OPHN1: variants seen among roughly 807,000 people sequenced by gnomAD.
OPHN1 encodes oligophrenin-1.
Under a neutral mutation model 60.7 loss-of-function variants are expected in OPHN1, and 11 were observed. That is an observed-to-expected ratio of 0.18 (90% CI 0.11 to 0.30). The LOEUF is 0.30. OPHN1 is among the 10% of genes least tolerant of loss of function. OPHN1 has a pLI of 1.00. For missense variants in OPHN1, 449 were observed against 611.0 expected, an observed-to-expected ratio of 0.73 and a Z score of 2.80; for synonymous variants, 226 against 222.6, an observed-to-expected ratio of 1.02 and a Z score of -0.14.
At chrX:68,264,727 G>C (rs138062047) in intron 5 of OPHN1, among the ~76,000 whole-genome samples, 2,283 of 112,406 alleles carry the variant, frequency 0.02, 69 homozygotes, top group African/African-American at 0.07. Flanking sequence ...AGCAGGGCGA[G>C]GCATTGCCTC....
At chrX:68,214,425 A>C (rs2077598830) in intron 6 of OPHN1, among the ~76,000 whole-genome samples, 1 of 112,334 alleles carries the variant, frequency 8.9e-6, no homozygotes, top group Admixed American at 9.5e-5. Context: ...AGTCTTATTT[A>C]ACAAGAAATG....
At chrX:68,149,054 T>A (rs911711404) in intron 15 of OPHN1, among the ~76,000 whole-genome samples, 1 of 111,485 alleles carries the variant, frequency 9.0e-6, no homozygotes, top group Non-Finnish European at 1.9e-5. Context: ...AAAGCCATAA[T>A]GTGGTCCTGC....
intron 2 of OPHN1, among the ~76,000 whole-genome samples, chrX:68,336,669 T>A (rs766463788): frequency 5.8e-5 from 5 of 86,137 alleles, no homozygotes; most frequent in East Asian, 6.1e-4. Context: ...TGTGTGTGTG[T>A]GAGAGTGTGT....
chrX:68,212,009 T>C (rs915419867), intron 8 of OPHN1, 99 bp downstream of exon 8: 2 of 569,283 alleles, frequency 3.5e-6, no homozygotes, highest in Non-Finnish European at 6.1e-6. Flanking sequence ...ACAAATTGGC[T>C]AGGATGCAGT....
chrX:68,067,239 G>GCAAAGTAGAAAGGGCATT (rs2076916228), intron 20 of OPHN1, among the ~76,000 whole-genome samples: 1 of 112,094 alleles, frequency 8.9e-6, no homozygotes, highest in Admixed American at 9.4e-5. Flanking sequence ...AAAAGGTGGA[G>GCAAAGTAGAAAGGGCATT]CAAAGTAGAA....
At chrX:68,221,377 C>T (rs7883991) in intron 6 of OPHN1, among the ~76,000 whole-genome samples, 1 of 14,908 alleles carries the variant, frequency 6.7e-5, no homozygotes, top group Non-Finnish European at 1.4e-4. Context: ...AGATTCAATG[C>T]CATCCCCATC....
chrX:68,262,609 C>A (rs767766203), intron 5 of OPHN1, among the ~76,000 whole-genome samples: 2 of 112,050 alleles, frequency 1.8e-5, no homozygotes, highest in East Asian at 5.6e-4. Flanking sequence ...CATGGAGAAA[C>A]CCCATCTCTA....
At chrX:68,172,814 TG>T (rs1325284506) in intron 15 of OPHN1, among the ~76,000 whole-genome samples, 1 of 111,340 alleles carries the variant, frequency 9.0e-6, no homozygotes, top group Non-Finnish European at 1.9e-5. Context: ...TACAATTTTA[TG>T]CTGTCTCGGT....
At position 68,240,681 on chromosome X, in the gene OPHN1, T is replaced by C. The variant is rs141635564; in HGVS notation, c.385-6093A>G. On this transcript the variant is annotated intron_variant, in intron 5 of 24. Coordinates refer to ENST00000355520, the MANE Select transcript of OPHN1 (RefSeq NM_002547.3). ...CCTTTCAATAACTAATTTTTGGCTTTGTTAATTACCTCTACCATTTTTTAT... is the reference window on the plus strand; with the variant it reads ...CCTTTCAATAACTAATTTTTGGCTTCGTTAATTACCTCTACCATTTTTTAT... Among the ~76,000 whole-genome samples the C allele has an allele frequency of 1.6e-3, 184 of 112,243 alleles. 4 individuals are homozygous for C. The East Asian group carries it at 0.043, about 26-fold the overall frequency.
At chrX:68,167,040 T>C (rs918556003) in intron 15 of OPHN1, among the ~76,000 whole-genome samples, 2 of 111,699 alleles carry the variant, frequency 1.8e-5, no homozygotes, top group Non-Finnish European at 3.8e-5. Flanking sequence ...TGGGATCACA[T>C]AAAGTTAAAA....
At chrX:68,182,730 G>T (rs1433045418) in intron 15 of OPHN1, among the ~76,000 whole-genome samples, 1 of 111,406 alleles carries the variant, frequency 9.0e-6, no homozygotes, top group Non-Finnish European at 1.9e-5. Flanking sequence ...GGCCAGCATG[G>T]TAAAACCCTG....
chrX:68,365,731 GT>G (rs1261680250), intron 2 of OPHN1, among the ~76,000 whole-genome samples: 2 of 110,864 alleles, frequency 1.8e-5, no homozygotes, highest in Non-Finnish European at 1.9e-5. Context: ...CCAACACTGA[GT>G]GGAAATCTAC....
intron 5 of OPHN1, among the ~76,000 whole-genome samples, chrX:68,241,908 C>CA (rs1363747836): frequency 9.1e-6 from 1 of 109,441 alleles, no homozygotes; most frequent in Admixed American, 9.9e-5. Context: ...GCAACAAGAG[C>CA]AAAACTCCAT....
chrX:68,217,058 T>A (rs1268273300), intron 6 of OPHN1, among the ~76,000 whole-genome samples: 1 of 110,922 alleles, frequency 9.0e-6, no homozygotes, highest in African/African-American at 3.3e-5. Context: ...TGGGCGGAGG[T>A]CAGTGGGTGC....
intron 5 of OPHN1, among the ~76,000 whole-genome samples, chrX:68,267,175 G>T (rs1353395097): frequency 1.8e-5 from 2 of 111,342 alleles, no homozygotes; most frequent in Non-Finnish European, 3.8e-5. Context: ...GCAGCAAGCA[G>T]ACCTAATAGA....
chrX:68,150,838 T>C (rs1023264805), intron 15 of OPHN1, among the ~76,000 whole-genome samples: 2 of 112,127 alleles, frequency 1.8e-5, no homozygotes, highest in African/African-American at 6.5e-5. Context: ...TAATAGAATT[T>C]TGTGATTAAA....
intron 2 of OPHN1, among the ~76,000 whole-genome samples, chrX:68,374,748 T>C (rs1378004633): frequency 8.9e-6 from 1 of 112,553 alleles, no homozygotes. Flanking sequence ...TATTTTGTTA[T>C]GTAAACAGAA....
chrX:68,343,970 C>T (rs2078367250), intron 2 of OPHN1, among the ~76,000 whole-genome samples: 1 of 111,909 alleles, frequency 8.9e-6, no homozygotes, highest in African/African-American at 3.2e-5. Context: ...TTCCCCAGAT[C>T]TACTGAATCA....
At chrX:68,285,760 TTGC>T (rs974184452) in intron 3 of OPHN1, among the ~76,000 whole-genome samples, 9 of 110,721 alleles carry the variant, frequency 8.1e-5, no homozygotes, top group African/African-American at 3.0e-4. Context: ...GTCTTTAAAT[TTGC>T]TGGTCATTTA....
Sources: gnomAD v4.1 joint callset for allele counts (sites outside exome capture counted in the v4.1 genomes callset) on GRCh38, gnomAD v4.1.1 for gene constraint, MANE v1.5 for transcripts, NCBI Gene and HGNC (gene_info 2026-07-23, HGNC 2026-07-21) for gene names.